Variants in OR8J1 observed in about 807,000 individuals in gnomAD.
The protein encoded by OR8J1 is olfactory receptor 8J1.
For missense variants in OR8J1, 400 were observed against 373.0 expected, an observed-to-expected ratio of 1.07 and a Z score of -0.60; for synonymous variants, 157 against 144.3, an observed-to-expected ratio of 1.09 and a Z score of -0.63.
rs997256654 is a variant in OR8J1 at position 56,360,626 on chromosome 11, G to T, written c.380G>T (p.Cys127Phe). The change falls in exon 2 of 2, where the codon TGT becomes TTT. Residue 127 changes from cysteine to phenylalanine, a missense_variant. Coordinates refer to ENST00000533152, the MANE Select transcript of OR8J1 (RefSeq NM_001005205.3). ...LMAYDRYVAI[C>F]NPLLYMVVVS... is the part of the protein sequence containing the mutation. ...GCCTATGACCGCTATGTGGCTATTT[G>T]TAACCCTCTGCTGTACATGGTGGTG... is the stretch of plus-strand genomic sequence containing the variant. The T allele has an allele frequency of 2.5e-6, 4 of 1,612,960 alleles. No homozygotes were observed. The highest frequency in any genetic ancestry group is 2.5e-6 in the Non-Finnish European group (3 of 1,179,490).
At chr11:56,357,843 C>T (rs1590856779) in intron 1 of OR8J1, 8 of 950,378 alleles carry the variant, frequency 8.4e-6, no homozygotes, top group East Asian at 2.4e-5. Context: ...CTTGTCTATC[C>T]CTCACAGTAC....
rs1055209109 is a variant in OR8J1, at chr11:56,360,084, T to C, written c.-20-143T>C. Reference sequence around the variant, plus strand: ...TGAAATAATTACCAAGTTTACTTATTAGACCTAGAAGCTTGAGTTTAATAA... The same window carrying C: ...TGAAATAATTACCAAGTTTACTTATCAGACCTAGAAGCTTGAGTTTAATAA... On this transcript the variant is annotated intron_variant, in intron 1 of 1. Transcript: ENST00000533152. 1.4e-5 allele frequency: 7 copies of C among 503,190 alleles called. No individual in the cohort carries two copies. In the East Asian group the frequency reaches 1.9e-4, roughly 14 times the overall value. The allele number at this position is 503,190 out of a possible 1,614,324, so 31.2% of individuals were successfully genotyped here.
At chr11:56,357,822 G>C in intron 1 of OR8J1, 3 of 1,035,768 alleles carry the variant, frequency 2.9e-6, no homozygotes, top group Non-Finnish European at 4.5e-6. Context: ...GAAGGAAGCT[G>C]CGGTTGGAGG....
intron 1 of OR8J1, among the ~76,000 whole-genome samples, chr11:56,357,174 T>TATATGTAAAG (rs772029117): frequency 5.3e-5 from 8 of 152,186 alleles, no homozygotes; most frequent in Admixed American, 1.3e-4. Flanking sequence ...TTTTCAATCC[T>TATATGTAAAG]ATAATTCATT....
chr11:56,359,062 G>A (rs1244805387), intron 1 of OR8J1, among the ~76,000 whole-genome samples: 3 of 151,736 alleles, frequency 2.0e-5, no homozygotes, highest in East Asian at 3.9e-4. Flanking sequence ...TAAAATTCAG[G>A]CATTTTAAAT....
At chr11:56,355,261 G>A (rs1030385400) in intron 1 of OR8J1, among the ~76,000 whole-genome samples, 1 of 150,728 alleles carries the variant, frequency 6.6e-6, no homozygotes, top group Non-Finnish European at 1.5e-5. Context: ...TAGTAATAGG[G>A]AATAAATATA....
chr11:56,360,445 G>A lies in OR8J1; in HGVS notation c.199G>A (p.Ala67Thr). ...CATGTACTTTTTCCTGCAACATCTG[G>A]CTCTCATTAATCTTGGTAACTCTAC... ...TPMYFFLQHL[A>T]LINLGNSTVI... Residue 67 changes from alanine to threonine, a missense_variant, in exon 2 of 2, where the codon GCT becomes ACT. Coordinates refer to ENST00000533152, the MANE Select transcript of OR8J1 (RefSeq NM_001005205.3). 1 of 1,613,982 alleles carries A rather than the reference G, an allele frequency of 6.2e-7. No individual in the cohort carries two copies. Among genetic ancestry groups the A allele is most frequent in the Non-Finnish European group, 8.5e-7 (1 of 1,179,984 alleles).
At chr11:56,358,436 A>C (rs1458368047) in intron 1 of OR8J1, among the ~76,000 whole-genome samples, 1 of 152,198 alleles carries the variant, frequency 6.6e-6, no homozygotes, top group Non-Finnish European at 1.5e-5. Flanking sequence ...TATTTTCAGC[A>C]TATACATTCT....
At chr11:56,357,551 C>A in intron 1 of OR8J1, 2 of 879,130 alleles carry the variant, frequency 2.3e-6, no homozygotes, top group Non-Finnish European at 3.8e-6. Flanking sequence ...TGATAGTCCG[C>A]GCGGCACATG....
chr11:56,360,145 A>G, intron 1 of OR8J1, 82 bp from the exon 2 acceptor site: 1 of 853,152 alleles, frequency 1.2e-6, no homozygotes, highest in Non-Finnish European at 1.8e-6. Flanking sequence ...AAGAAATGTT[A>G]TCAGGGAATT....
chr11:56,361,404 G>A lies in OR8J1; in HGVS notation c.*207G>A. 1 of 387,360 alleles carries A rather than the reference G, an allele frequency of 2.6e-6. No individual in the cohort carries two copies. Among genetic ancestry groups the A allele is most frequent in the Non-Finnish European group, 4.5e-6 (1 of 219,784 alleles). The allele number at this position is 387,360 out of a possible 1,614,324, so 24.0% of individuals were successfully genotyped here. On this transcript the variant is annotated 3_prime_UTR_variant, in exon 2 of 2. Transcript: ENST00000533152. ...TGAGGTTAAGTTAGAAAAAAAAAAT[G>A]TTATTTACCAATTCTGCCTGGGATT...
At position 56,360,404 on chromosome 11, in the gene OR8J1, C is replaced by T. The variant is rs1852617825; in HGVS notation, c.158C>T (p.Ser53Phe). ...LGIITLTSVD[S>F]RLQTPMYFFL... ...ATCATCACCCTCACCAGTGTTGACT[C>T]TCGACTTCAAACCCCCATGTACTTT... The change falls in exon 2 of 2, where the codon TCT (serine) becomes TTT (phenylalanine). Residue 53 changes from serine to phenylalanine, a missense_variant. Ser to Phe is a radical substitution (Grantham distance 155). Coordinates refer to ENST00000533152, the MANE Select transcript of OR8J1 (RefSeq NM_001005205.3). The T allele has an allele frequency of 6.2e-7, 1 of 1,614,042 alleles. No individual in the cohort carries two copies. Among genetic ancestry groups the T allele is most frequent in the Admixed American group, 1.7e-5 (1 of 59,982 alleles).
chr11:56,356,670 G>C (rs1456320892), intron 1 of OR8J1, among the ~76,000 whole-genome samples: 1 of 152,124 alleles, frequency 6.6e-6, no homozygotes, highest in African/African-American at 2.4e-5. Flanking sequence ...ACTGAATGAA[G>C]AACAAGTTAG....
chr11:56,357,586 T>C, intron 1 of OR8J1: 3 of 1,103,356 alleles, frequency 2.7e-6, no homozygotes, highest in Non-Finnish European at 4.1e-6. Context: ...AAATATGGTG[T>C]GAAGGTTGGC....
At chr11:56,358,103 C>T in intron 1 of OR8J1, 1 of 505,722 alleles carries the variant, frequency 2.0e-6, no homozygotes, top group Non-Finnish European at 3.6e-6. Context: ...AAGCCCAAGA[C>T]AGAAGTTATG....
Position 56,360,282 on chromosome 11 carries a change from T to C in OR8J1, c.36T>C (p.Phe12=), listed in dbSNP as rs1426580000. ...AAAATTTCACCAGAGTCACTGAGTT[T>C]ATTCTTACAGGTGTCTCTAGCTGTC... The part of the protein sequence containing the change: ...APENFTRVTE[F]ILTGVSSCPE... Residue 12 remains phenylalanine, a synonymous_variant, in exon 2 of 2, where the codon TTT becomes TTC. Transcript: ENST00000533152. 1.4e-5 allele frequency: 23 copies of C among 1,592,474 alleles called. No individual in the cohort carries two copies. Among genetic ancestry groups the C allele is most frequent in the Non-Finnish European group, 2.0e-5 (23 of 1,173,112 alleles).
chr11:56,357,781 C>T, intron 1 of OR8J1: 1 of 1,372,138 alleles, frequency 7.3e-7, no homozygotes, highest in South Asian at 1.2e-5. Flanking sequence ...CTTGCCAGAA[C>T]TACCACTGGC....
chr11:56,356,425 G>A (rs559306670), intron 1 of OR8J1, among the ~76,000 whole-genome samples: 3 of 152,266 alleles, frequency 2.0e-5, no homozygotes, highest in Admixed American at 1.3e-4. Context: ...CAGAGTATCT[G>A]ATACAATCTG....
chr11:56,354,387 A>C (rs1006101368), intron 1 of OR8J1, 62 bp downstream of exon 1: 1 of 152,196 alleles, frequency 6.6e-6, no homozygotes, highest in Non-Finnish European at 1.5e-5. Context: ...TAAAGATCAA[A>C]ACCATACTTA....
Sources: gnomAD v4.1 joint callset for allele counts (sites outside exome capture counted in the v4.1 genomes callset) on GRCh38, gnomAD v4.1.1 for gene constraint, MANE v1.5 for transcripts, NCBI Gene and HGNC (gene_info 2026-07-23, HGNC 2026-07-21) for gene names.